MEIS1: variants seen among roughly 807,000 people sequenced by gnomAD.
MEIS1 encodes the protein homeobox protein Meis1.
MEIS1 carries 5 observed loss-of-function variants against 50.8 expected under a neutral mutation model. That is an observed-to-expected ratio of 0.10 (90% CI 0.05 to 0.21). MEIS1 has a LOEUF of 0.21. MEIS1 is among the 10% of genes least tolerant of loss of function. The probability of loss-of-function intolerance (pLI) is 1.00; values close to 1 mark genes in which losing one functional copy is unlikely to be tolerated. For missense variants in MEIS1, 318 were observed against 517.3 expected (o/e 0.61, Z 3.74); for synonymous variants, 176 against 179.3 (o/e 0.98, Z 0.15).
At position 66,442,882 on chromosome 2, in the gene MEIS1, TTA is replaced by T. The variant is rs766315139; in HGVS notation, c.484-18_484-17del. 26 of 1,570,758 alleles carry T rather than the reference TTA, an allele frequency of 1.7e-5. No homozygotes were observed. The highest frequency in any genetic ancestry group is 2.2e-5 in the Non-Finnish European group (26 of 1,164,624). On this transcript the variant is annotated intron_variant, in intron 5 of 12. Coordinates refer to ENST00000272369, the MANE Select transcript of MEIS1 (RefSeq NM_002398.3). ...CACTCCTGATTATATTCCCATTTTT[TTA>T]TTTCTGTCATAATGTAGGTACACGA...
At chr2:66,479,077 T>C (rs1672959587) in intron 7 of MEIS1, among the ~76,000 whole-genome samples, 1 of 152,248 alleles carries the variant, frequency 6.6e-6, no homozygotes, top group Non-Finnish European at 1.5e-5. Flanking sequence ...GGCAATGGCC[T>C]TGTGCTGAGA....
At position 66,455,737 on chromosome 2, in the gene MEIS1, C is replaced by A. The variant is rs7587369; in HGVS notation, c.631-8372C>A. ...AGTATTGAGAGGAGAATGAAGCATG[C>A]TGATTGCAGGACAGTGGGCAAAATC... is the stretch of plus-strand genomic sequence containing the variant. On this transcript the variant is annotated intron_variant, in intron 6 of 12. Coordinates refer to ENST00000272369, the MANE Select transcript of MEIS1 (RefSeq NM_002398.3). Among the ~76,000 whole-genome samples the A allele has an allele frequency of 3.4e-3, 521 of 152,240 alleles. 3 individuals carry two copies. The highest frequency in any genetic ancestry group is 0.012 in the African/African-American group (501 of 41,546).
Position 66,554,417 on chromosome 2 carries a change from A to G in MEIS1, c.965+6398A>G, listed in dbSNP as rs568214925. 4.6e-5 allele frequency among the ~76,000 whole-genome samples: 7 copies of G among 152,328 alleles called. No individual in the cohort carries two copies. In the East Asian group the frequency reaches 1.3e-3, roughly 29 times the overall value. On this transcript the variant is annotated intron_variant, in intron 9 of 12. Transcript: ENST00000272369. ...TGACTCCCATTTCCCTGGAGAGGGC[A>G]TAGGGATGAGGGGCTGAGAGGTGTC... is the stretch of plus-strand genomic sequence containing the variant.
chr2:66,502,745 A>G (rs892608575), intron 7 of MEIS1, among the ~76,000 whole-genome samples: 1 of 152,200 alleles, frequency 6.6e-6, no homozygotes, highest in Admixed American at 6.5e-5. Context: ...TGGAAAAAAG[A>G]TACAGAAAGG....
chr2:66,491,383 T>G (rs1673269181), intron 7 of MEIS1, among the ~76,000 whole-genome samples: 1 of 152,244 alleles, frequency 6.6e-6, no homozygotes, highest in Non-Finnish European at 1.5e-5. Flanking sequence ...ATCCCATTCT[T>G]TATTAATTGT....
At chr2:66,501,065 T>A (rs894384449) in intron 7 of MEIS1, among the ~76,000 whole-genome samples, 2 of 152,130 alleles carry the variant, frequency 1.3e-5, no homozygotes, top group East Asian at 3.9e-4. Context: ...TTTTTGTGGT[T>A]ATGTAGGAGT....
intron 6 of MEIS1, chr2:66,445,361 G>A (rs563645710): frequency 1.0e-4 from 16 of 152,492 alleles, no homozygotes; most frequent in East Asian, 9.7e-4. Context: ...GGCCGCCGGT[G>A]GGCTCCACTG....
intron 7 of MEIS1, among the ~76,000 whole-genome samples, chr2:66,466,846 A>G (rs1161983582): frequency 1.3e-5 from 2 of 152,134 alleles, no homozygotes; most frequent in African/African-American, 4.8e-5. Flanking sequence ...GGAGTAATAC[A>G]TATTTTAAAA....
At chr2:66,555,241 T>TTG (rs1175749579) in intron 9 of MEIS1, among the ~76,000 whole-genome samples, 2 of 147,806 alleles carry the variant, frequency 1.4e-5, no homozygotes, top group Admixed American at 1.4e-4. Context: ...TGAATTGTGG[T>TTG]TGTGTGTACG....
rs1449713624 is a variant in MEIS1 at position 66,435,385 on chromosome 2, C to T, written c.-472C>T. ...GGGAAGCGAGCGCTAGGGCTTTGTG[C>T]ATTTGAATATTAACATTTGAGGTGT... On this transcript the variant is annotated 5_prime_UTR_variant, in exon 1 of 13. Coordinates refer to ENST00000272369, the MANE Select transcript of MEIS1 (RefSeq NM_002398.3). 4 of 207,892 alleles carry T rather than the reference C, an allele frequency of 1.9e-5. No homozygotes were observed. In the East Asian group the frequency reaches 4.0e-4, roughly 21 times the overall value. 12.9% of individuals were successfully genotyped at this position (207,892 alleles called of 1,614,324 possible). A position where few individuals can be genotyped will look rare whatever the true frequency, so the allele number is the denominator to read the frequency against.
At chr2:66,476,931 G>A (rs757994082) in intron 7 of MEIS1, among the ~76,000 whole-genome samples, 1 of 152,184 alleles carries the variant, frequency 6.6e-6, no homozygotes, top group Non-Finnish European at 1.5e-5. Context: ...GTAAAGGTAG[G>A]AAGGAGAGAG....
At chr2:66,486,201 G>A (rs62468220) in intron 7 of MEIS1, among the ~76,000 whole-genome samples, 1 of 152,260 alleles carries the variant, frequency 6.6e-6, no homozygotes, top group East Asian at 1.9e-4. Flanking sequence ...TTATCGCCTA[G>A]GTTTTCTTCT....
At chr2:66,518,619 T>G (rs570675356) in intron 8 of MEIS1, among the ~76,000 whole-genome samples, 18 of 152,322 alleles carry the variant, frequency 1.2e-4, no homozygotes, top group Admixed American at 5.2e-4. Flanking sequence ...TGATGATATA[T>G]TTTTAAAGAT....
In MEIS1 at chr2:66,520,761, A is replaced by C. The variant is rs1572873840; in HGVS notation, c.888+8467A>C. Among the ~76,000 whole-genome samples, 3 of 152,200 alleles carry C rather than the reference A, an allele frequency of 2.0e-5. No homozygotes were observed. The South Asian group carries it at 6.2e-4, about 32-fold the overall frequency. ...TATTTTCCTATACACTGGATGCATA[A>C]GACAATCCTGTAAGGTGGGCAGCAT... On this transcript the variant is annotated intron_variant, in intron 8 of 12. Coordinates refer to ENST00000272369, the MANE Select transcript of MEIS1 (RefSeq NM_002398.3).
At chr2:66,558,875 C>T (rs1675141162) in intron 9 of MEIS1, among the ~76,000 whole-genome samples, 1 of 152,164 alleles carries the variant, frequency 6.6e-6, no homozygotes, top group South Asian at 2.1e-4. Flanking sequence ...GGCACAGTGG[C>T]TTATGCCTGT....
At chr2:66,510,690 G>GAAAA (rs879823455) in intron 7 of MEIS1, among the ~76,000 whole-genome samples, 1 of 145,616 alleles carries the variant, frequency 6.9e-6, no homozygotes, top group African/African-American at 2.5e-5. Flanking sequence ...TAAGGCAATT[G>GAAAA]AAAAAAAAAA....
Position 66,539,272 on chromosome 2 carries a change from A to G in MEIS1, c.889-8671A>G, listed in dbSNP as rs1017058182. Among the ~76,000 whole-genome samples, 32 of 152,306 alleles carry G rather than the reference A, an allele frequency of 2.1e-4. 1 individual carries two copies. Among genetic ancestry groups the G allele is most frequent in the African/African-American group, 7.2e-4 (30 of 41,574 alleles). On this transcript the variant is annotated intron_variant, in intron 8 of 12. Transcript: ENST00000272369. ...TAAAGTGATGGGCATGTGAGTTTCCACTGAGTTTTCTGACTTACAGCAAGA... is the reference window on the plus strand; with the variant it reads ...TAAAGTGATGGGCATGTGAGTTTCCGCTGAGTTTTCTGACTTACAGCAAGA...
chr2:66,530,056 GA>G (rs1674351568), intron 8 of MEIS1, among the ~76,000 whole-genome samples: 1 of 152,136 alleles, frequency 6.6e-6, no homozygotes, highest in African/African-American at 2.4e-5. Context: ...TAGAAATGAA[GA>G]AGGCTGCTAT....
intron 9 of MEIS1, among the ~76,000 whole-genome samples, chr2:66,566,807 G>C: frequency 2.0e-5 from 1 of 51,204 alleles, no homozygotes; most frequent in African/African-American, 4.3e-5. Context: ...TTTACATAAA[G>C]AGCAAAAAAA....
Sources: gnomAD v4.1 joint callset for allele counts (sites outside exome capture counted in the v4.1 genomes callset) on GRCh38, gnomAD v4.1.1 for gene constraint, MANE v1.5 for transcripts, NCBI Gene and HGNC (gene_info 2026-07-23, HGNC 2026-07-21) for gene names.